Variants in CHM observed in about 807,000 individuals in gnomAD.
The protein encoded by CHM is CHM Rab escort protein, also known as rab proteins geranylgeranyltransferase component A 1.
CHM carries 10 observed loss-of-function variants against 49.0 expected under a neutral mutation model. The observed-to-expected ratio is 0.20, with a 90% CI of 0.13 to 0.35. The LOEUF (loss-of-function observed/expected upper bound fraction) is 0.35. CHM is among the 10% of genes least tolerant of loss of function. The pLI, the probability that CHM is intolerant of heterozygous loss-of-function variation, is 1.00. For synonymous variants in CHM, 184 were observed against 167.5 expected (o/e 1.10, Z -0.76); for missense variants, 455 against 478.4 (o/e 0.95, Z 0.46).
chrX:86,017,523 A>C (rs910017922), intron 2 of CHM, among the ~76,000 whole-genome samples: 5 of 111,073 alleles, frequency 4.5e-5, no homozygotes, highest in African/African-American at 6.6e-5. Flanking sequence ...CCACTTTTGC[A>C]TCTTCCTCAT....
intron 2 of CHM, among the ~76,000 whole-genome samples, chrX:86,006,954 C>G (rs1321393676): frequency 1.8e-5 from 2 of 111,743 alleles, no homozygotes; most frequent in Non-Finnish European, 3.8e-5. Context: ...TTTGCCAAGT[C>G]AATCCTAAGC....
intron 13 of CHM, among the ~76,000 whole-genome samples, chrX:85,875,918 C>T (rs1235019728): frequency 9.0e-6 from 1 of 111,427 alleles, no homozygotes; most frequent in African/African-American, 3.3e-5. Flanking sequence ...AAGCACAGGG[C>T]TAAGTCAAGA....
At chrX:85,903,114 G>A (rs770387569) in intron 9 of CHM, among the ~76,000 whole-genome samples, 38 of 111,562 alleles carry the variant, frequency 3.4e-4, no homozygotes, top group Non-Finnish European at 6.4e-4. Context: ...GCAATTCACA[G>A]TCAAATGCAT....
At chrX:86,035,886 C>T (rs1162888056) in intron 1 of CHM, among the ~76,000 whole-genome samples, 2 of 105,175 alleles carry the variant, frequency 1.9e-5, no homozygotes, top group Admixed American at 2.0e-4. Context: ...CTCCGCCTCC[C>T]GGGTTCACGC....
intron 8 of CHM, among the ~76,000 whole-genome samples, chrX:85,949,978 A>AATATATATATAT (rs200318878): frequency 0.036 from 1,534 of 42,456 alleles, 116 homozygotes; most frequent in Non-Finnish European, 0.052. Flanking sequence ...ACTGAAATTA[A>AATATATATATAT]ATATATATAT....
At chrX:86,045,901 G>C (rs777462980) in intron 1 of CHM, among the ~76,000 whole-genome samples, 16 of 112,203 alleles carry the variant, frequency 1.4e-4, no homozygotes, top group Non-Finnish European at 3.0e-4. Context: ...CTCAGTTTTA[G>C]TATAGACTTA....
chrX:85,882,774 T>A (rs1020107620), intron 12 of CHM, among the ~76,000 whole-genome samples: 10 of 111,761 alleles, frequency 8.9e-5, no homozygotes, highest in African/African-American at 2.9e-4. Flanking sequence ...TTGAAACACA[T>A]GAGAAGTAGG....
intron 8 of CHM, among the ~76,000 whole-genome samples, chrX:85,943,621 A>T (rs1366891481): frequency 8.9e-6 from 1 of 112,361 alleles, no homozygotes; most frequent in African/African-American, 3.2e-5. Flanking sequence ...CATAATGAGA[A>T]AATAATTAAG....
At chrX:85,938,695 C>T (rs966082010) in intron 8 of CHM, among the ~76,000 whole-genome samples, 1 of 109,925 alleles carries the variant, frequency 9.1e-6, no homozygotes, top group African/African-American at 3.3e-5. Flanking sequence ...GGGTATTTAC[C>T]CCCTAAATTC....
chrX:85,918,797 CATAATG>C (rs1332025489), intron 8 of CHM, among the ~76,000 whole-genome samples: 1 of 111,899 alleles, frequency 8.9e-6, no homozygotes, highest in Non-Finnish European at 1.9e-5. Flanking sequence ...AAGGGCATTA[CATAATG>C]ATAAAGGTTT....
rs745523279 is a variant in CHM at position 85,864,377 on chromosome X, T to A, written c.*253A>T. 7 of 367,419 alleles carry A rather than the reference T, an allele frequency of 1.9e-5. No homozygotes were observed. Among genetic ancestry groups the A allele is most frequent in the Admixed American group, 1.8e-4 (4 of 22,501 alleles). The allele number at this position is 367,419 out of a possible 1,213,427, so 30.3% of individuals were successfully genotyped here. A position where few individuals can be genotyped will look rare whatever the true frequency, so the allele number is the denominator to read the frequency against. ...ATATCCACAGTTACATTCCTGAGAATCAATTGATTTATAATTTTCATCTGC... is the reference window on the plus strand; with the variant it reads ...ATATCCACAGTTACATTCCTGAGAAACAATTGATTTATAATTTTCATCTGC... On this transcript the variant is annotated 3_prime_UTR_variant, in exon 15 of 15. Transcript: ENST00000357749.
intron 4 of CHM, chrX:85,970,302 G>A (rs1930823651): frequency 1.3e-6 from 1 of 748,110 alleles, no homozygotes; most frequent in Admixed American, 8.8e-5. Flanking sequence ...TCCTAACACT[G>A]GGAGTTAGGC....
At chrX:85,927,125 CA>C (rs2148189670) in intron 8 of CHM, among the ~76,000 whole-genome samples, 1 of 111,414 alleles carries the variant, frequency 9.0e-6, no homozygotes, top group African/African-American at 3.2e-5. Context: ...AAATTAGTTA[CA>C]AAAAAAGAAA....
At chrX:85,970,989 T>C (rs1395451546) in intron 4 of CHM, 2 of 681,571 alleles carry the variant, frequency 2.9e-6, no homozygotes, top group East Asian at 3.1e-4. Flanking sequence ...GTTGAAATGA[T>C]CATGAAAACC....
At chrX:86,028,998 C>G (rs957103032) in intron 1 of CHM, among the ~76,000 whole-genome samples, 30 of 112,082 alleles carry the variant, frequency 2.7e-4, no homozygotes, top group African/African-American at 9.4e-4. Context: ...TAGCTAAAAT[C>G]CATATTAAAC....
chrX:85,956,381 A>G lies in CHM; in HGVS notation c.941-3T>C. On this transcript the variant is annotated splice_polypyrimidine_tract_variant and splice_region_variant and intron_variant, in intron 7 of 14. Coordinates refer to ENST00000357749, the MANE Select transcript of CHM (RefSeq NM_000390.4). Reference sequence around the variant, plus strand: ...ATAAAATGTGATCTCTTCATATCCTATGAAAAGATGAAATTTTATCACTTA... The same window carrying G: ...ATAAAATGTGATCTCTTCATATCCTGTGAAAAGATGAAATTTTATCACTTA... The G allele has an allele frequency of 5.0e-6, 6 of 1,201,962 alleles. No homozygotes were observed. Among genetic ancestry groups the G allele is most frequent in the African/African-American group, 1.7e-5 (1 of 57,458 alleles).
chrX:85,873,104 T>A lies in CHM; in HGVS notation c.1718A>T (p.Tyr573Phe), dbSNP rs1924186788. Residue 573 changes from tyrosine to phenylalanine, a missense_variant, in exon 14 of 15, where the codon TAT becomes TTT. Tyr to Phe is a conservative substitution (Grantham distance 22). Coordinates refer to ENST00000357749, the MANE Select transcript of CHM (RefSeq NM_000390.4). ...SCYNDLPSNV[Y>F]VCSGPDCGLG... ...ACCACAATCTGGGCCAGAGCAGACA[T>A]AAACGTTGGATGGTAAATCATTATA... 1.7e-6 allele frequency: 2 copies of A among 1,206,074 alleles called. No homozygotes were observed. The highest frequency in any genetic ancestry group is 3.5e-5 in the African/African-American group (2 of 57,137).
At chrX:85,910,592 G>C (rs1926870277) in intron 9 of CHM, among the ~76,000 whole-genome samples, 1 of 111,311 alleles carries the variant, frequency 9.0e-6, no homozygotes, top group Non-Finnish European at 1.9e-5. Context: ...CTCTTTTAAA[G>C]AAAAGGTAAA....
In CHM at chrX:85,962,318, C is replaced by T. The variant is rs187146325; in HGVS notation, c.702+1347G>A. On this transcript the variant is annotated intron_variant, in intron 5 of 14. Coordinates refer to ENST00000357749, the MANE Select transcript of CHM (RefSeq NM_000390.4). Reference sequence around the variant, plus strand: ...GTGGAAAAAATGCTAGATTTCAAATCATGACAGGGTCAAAGTAGATGGAGG... The same window carrying T: ...GTGGAAAAAATGCTAGATTTCAAATTATGACAGGGTCAAAGTAGATGGAGG... Among the ~76,000 whole-genome samples the T allele has an allele frequency of 5.6e-3, 624 of 112,319 alleles. 7 individuals are homozygous for T. Among genetic ancestry groups the T allele is most frequent in the Non-Finnish European group, 8.5e-3 (451 of 53,277 alleles).
Sources: gnomAD v4.1 joint callset for allele counts (sites outside exome capture counted in the v4.1 genomes callset) on GRCh38, gnomAD v4.1.1 for gene constraint, MANE v1.5 for transcripts, NCBI Gene and HGNC (gene_info 2026-07-23, HGNC 2026-07-21) for gene names.